KHDRBS2: variants seen among roughly 807,000 people sequenced by gnomAD.
The protein encoded by KHDRBS2 is KH domain-containing, RNA-binding, signal transduction-associated protein 2.
Under a neutral mutation model 44.3 loss-of-function variants are expected in KHDRBS2, and 26 were observed. The observed-to-expected ratio is 0.59, with a 90% CI of 0.43 to 0.81. The LOEUF is 0.81. Among genes scored for constraint, KHDRBS2 ranks in the 40% least tolerant of loss-of-function variants. KHDRBS2 has a pLI of 0.00. For synonymous variants in KHDRBS2, 194 were observed against 151.1 expected, an observed-to-expected ratio of 1.28 and a Z score of -2.08; for missense variants, 476 against 433.1, an observed-to-expected ratio of 1.10 and a Z score of -0.88.
At chr6:61,757,880 T>C (rs1778730600) in intron 6 of KHDRBS2, among the ~76,000 whole-genome samples, 1 of 152,158 alleles carries the variant, frequency 6.6e-6, no homozygotes, top group Non-Finnish European at 1.5e-5. Context: ...AGTATGACAA[T>C]TGAGACATTA....
chr6:61,609,272 C>T, the KHDRBS2 span, among the ~76,000 whole-genome samples: 4 of 152,094 alleles, frequency 2.6e-5, no homozygotes, highest in Admixed American at 2.6e-4. Flanking sequence ...GGCAGAGAAT[C>T]GCTTAAACCC....
At chr6:61,822,339 C>T (rs916660938) in intron 6 of KHDRBS2, among the ~76,000 whole-genome samples, 4 of 151,942 alleles carry the variant, frequency 2.6e-5, no homozygotes, top group African/African-American at 9.7e-5. Flanking sequence ...ACTCTAACCT[C>T]CTCCCTTTGT....
chr6:61,691,431 A>C (rs1767382767), intron 8 of KHDRBS2, among the ~76,000 whole-genome samples: 1 of 152,100 alleles, frequency 6.6e-6, no homozygotes, highest in Non-Finnish European at 1.5e-5. Context: ...AATACTTTAG[A>C]AGCATTATTT....
chr6:61,616,470 C>CATAT, the KHDRBS2 span, among the ~76,000 whole-genome samples: 1,233 of 145,018 alleles, frequency 8.5e-3, 6 homozygotes, highest in Non-Finnish European at 0.012. Flanking sequence ...AAAGAATATA[C>CATAT]ATATATATAT....
At chr6:62,025,214 T>C (rs1488894405) in intron 3 of KHDRBS2, among the ~76,000 whole-genome samples, 2 of 151,780 alleles carry the variant, frequency 1.3e-5, no homozygotes, top group Admixed American at 1.3e-4. Flanking sequence ...GAATTTGGCA[T>C]ATTTTTGTAA....
intron 3 of KHDRBS2, among the ~76,000 whole-genome samples, chr6:61,995,391 C>T (rs1334490540): frequency 2.0e-5 from 3 of 152,050 alleles, no homozygotes; most frequent in Non-Finnish European, 2.9e-5. Flanking sequence ...TAACATACAA[C>T]GTATGATAGA....
chr6:62,060,564 A>G (rs1246804390), intron 2 of KHDRBS2, among the ~76,000 whole-genome samples: 6 of 151,620 alleles, frequency 4.0e-5, no homozygotes, highest in Admixed American at 2.0e-4. Context: ...CATAATTTGT[A>G]TAACATTATA....
chr6:61,570,036 G>C, the KHDRBS2 span, among the ~76,000 whole-genome samples: 1 of 152,040 alleles, frequency 6.6e-6, no homozygotes, highest in South Asian at 2.1e-4. Flanking sequence ...ACACCCAACA[G>C]ATCACACTAG....
intron 1 of KHDRBS2, among the ~76,000 whole-genome samples, chr6:62,256,856 T>C (rs1837470337): frequency 6.6e-6 from 1 of 152,022 alleles, no homozygotes; most frequent in South Asian, 2.1e-4. Flanking sequence ...CTGAGCTAGT[T>C]ACCTATATTC....
At chr6:61,813,637 T>C (rs1788464236) in intron 6 of KHDRBS2, among the ~76,000 whole-genome samples, 4 of 152,156 alleles carry the variant, frequency 2.6e-5, no homozygotes, top group Non-Finnish European at 5.9e-5. Context: ...AGTTCTTCTG[T>C]TTTATAAATT....
intron 2 of KHDRBS2, among the ~76,000 whole-genome samples, chr6:62,126,375 T>C (rs950578684): frequency 3.9e-5 from 6 of 152,256 alleles, no homozygotes; most frequent in Admixed American, 3.9e-4. Flanking sequence ...TTCTAGGCCC[T>C]GGCTCCCGGA....
chr6:61,598,111 C>T, the KHDRBS2 span, among the ~76,000 whole-genome samples: 32 of 150,878 alleles, frequency 2.1e-4, 3 homozygotes, highest in Non-Finnish European at 3.6e-4. Context: ...TGCCACAAGA[C>T]CCTGCTGACT....
intron 3 of KHDRBS2, among the ~76,000 whole-genome samples, chr6:61,999,645 T>C (rs1192507321): frequency 2.6e-5 from 4 of 152,112 alleles, no homozygotes; most frequent in Non-Finnish European, 4.4e-5. Context: ...TTGCATAAAT[T>C]TCACTCTACC....
chr6:61,663,900 C>T, the KHDRBS2 span, among the ~76,000 whole-genome samples: 1 of 151,364 alleles, frequency 6.6e-6, no homozygotes, highest in Non-Finnish European at 1.5e-5. Context: ...GAGTAAAGAG[C>T]ATATATCAAT....
At chr6:62,026,878 T>A (rs1157226791) in intron 3 of KHDRBS2, among the ~76,000 whole-genome samples, 1 of 151,916 alleles carries the variant, frequency 6.6e-6, no homozygotes, top group African/African-American at 2.4e-5. Flanking sequence ...TTCAGCCTAA[T>A]TTTTTTTATT....
intron 3 of KHDRBS2, among the ~76,000 whole-genome samples, chr6:62,046,238 A>G (rs954766288): frequency 1.3e-5 from 2 of 151,896 alleles, no homozygotes; most frequent in Admixed American, 1.3e-4. Context: ...TAACATGCTC[A>G]CAGGGAAAAA....
At chr6:61,703,078 A>C (rs568889167) in intron 7 of KHDRBS2, among the ~76,000 whole-genome samples, 2 of 151,984 alleles carry the variant, frequency 1.3e-5, no homozygotes, top group South Asian at 4.1e-4. Flanking sequence ...CTTAATCACT[A>C]TATTTCTAGA....
intron 3 of KHDRBS2, among the ~76,000 whole-genome samples, chr6:62,038,348 C>G (rs757475205): frequency 5.4e-5 from 8 of 149,206 alleles, no homozygotes; most frequent in Non-Finnish European, 8.9e-5. Flanking sequence ...TTTGGTCTTT[C>G]TTTGAGCTCC....
At chr6:62,104,933 C>T (rs138432680) in intron 2 of KHDRBS2, among the ~76,000 whole-genome samples, 94 of 151,930 alleles carry the variant, frequency 6.2e-4, no homozygotes, top group African/African-American at 2.2e-3. Context: ...TAAAAACTAC[C>T]AGTAACAGAA....
Sources: allele counts gnomAD v4.1 joint callset (sites outside exome capture counted in the v4.1 genomes callset), GRCh38; gene constraint gnomAD v4.1.1; transcripts MANE v1.5; gene names NCBI Gene and HGNC (gene_info 2026-07-23, HGNC 2026-07-21).